Variants in UGT2B28 observed in about 807,000 individuals in gnomAD.
UGT2B28 encodes UDP glucuronosyltransferase family 2 member B28.
UGT2B28 carries 45 observed loss-of-function variants against 43.6 expected under a neutral mutation model. The ratio of observed to expected loss-of-function variants is 1.03; its 90% CI spans 0.81 to 1.32. UGT2B28 has a LOEUF of 1.32. Ranked by LOEUF, UGT2B28 falls within the 40% of genes most tolerant of loss-of-function variation. The pLI is 0.00. For synonymous variants in UGT2B28, 204 were observed against 208.1 expected (o/e 0.98, Z 0.17); for missense variants, 649 against 625.5 (o/e 1.04, Z -0.40).
rs1320330854 is a variant in UGT2B28, at chr4:69,293,852, T to G, written c.1311-678T>G. On this transcript the variant is annotated intron_variant, in intron 5 of 5. Coordinates refer to ENST00000335568, the MANE Select transcript of UGT2B28 (RefSeq NM_053039.2). Reference sequence around the variant, plus strand: ...CAGGCAAAAATCTTAATCAGAAGAGTGCCATAATCTGACTTTAATTTCAAA... The same window carrying G: ...CAGGCAAAAATCTTAATCAGAAGAGGGCCATAATCTGACTTTAATTTCAAA... Among the ~76,000 whole-genome samples, 3 of 140,118 alleles carry G rather than the reference T, an allele frequency of 2.1e-5. 1 individual carries two copies. Among genetic ancestry groups the G allele is most frequent in the Non-Finnish European group, 3.0e-5 (2 of 65,670 alleles). The allele number at this position is 140,118 out of a possible 152,430, so 91.9% of individuals were successfully genotyped here. A position where few individuals can be genotyped will look rare whatever the true frequency, so the allele number is the denominator to read the frequency against.
intron 2 of UGT2B28, among the ~76,000 whole-genome samples, chr4:69,283,300 C>G (rs1489593842): frequency 7.2e-6 from 1 of 139,406 alleles, no homozygotes; most frequent in East Asian, 2.0e-4. Context: ...GATTAAGAAT[C>G]TAGATCATAC....
At chr4:69,286,635 T>C (rs1723782901) in intron 2 of UGT2B28, 117 bp from the exon 3 acceptor site, 1 of 1,355,878 alleles carries the variant, frequency 7.4e-7, no homozygotes, top group Non-Finnish European at 9.8e-7. Context: ...AAAAATATTA[T>C]TTACTCCAAT....
At chr4:69,291,822 A>T (rs1376852974) in intron 5 of UGT2B28, among the ~76,000 whole-genome samples, 8 of 140,460 alleles carry the variant, frequency 5.7e-5, no homozygotes, top group African/African-American at 2.2e-4. Flanking sequence ...TGTTCCATTC[A>T]TCACTACCAT....
Position 69,280,994 on chromosome 4 carries a change from A to G in UGT2B28, c.494A>G (p.Asn165Ser). Residue 165 changes from asparagine to serine, a missense_variant, in exon 1 of 6, where the codon AAC becomes AGC. Physicochemically the swap from Asn to Ser is conservative, Grantham distance 46. Transcript: ENST00000335568. ...GGTGAGCTGCTGGCTGCGCTACTTA[A>G]CATACCGTTTGTGTACAGTCTCTGC... ...PCGELLAALL[N>S]IPFVYSLCFT... The G allele has an allele frequency of 1.9e-6, 3 of 1,560,212 alleles. No individual in the cohort carries two copies. The highest frequency in any genetic ancestry group is 2.6e-6 in the Non-Finnish European group (3 of 1,155,608).
intron 2 of UGT2B28, among the ~76,000 whole-genome samples, chr4:69,283,599 G>C (rs1723686317): frequency 7.1e-6 from 1 of 140,368 alleles, no homozygotes; most frequent in African/African-American, 2.8e-5. Flanking sequence ...ACTTCATATT[G>C]TGTTGTGTGG....
intron 2 of UGT2B28, among the ~76,000 whole-genome samples, chr4:69,285,609 A>C (rs1269805112): frequency 7.1e-6 from 1 of 141,306 alleles, no homozygotes; most frequent in East Asian, 2.0e-4. Flanking sequence ...TATTTTAAAA[A>C]ACGCTCTGCC....
At position 69,286,008 on chromosome 4, in the gene UGT2B28, A is replaced by C. The variant is rs867609625; in HGVS notation, c.871-744A>C. On this transcript the variant is annotated intron_variant, in intron 2 of 5. Transcript: ENST00000335568. ...TGCTCCACCTAAACAATAACCTGAA[A>C]GGTACAATTATTCAACAACTAACTA... Among the ~76,000 whole-genome samples, 30 of 141,412 alleles carry C rather than the reference A, an allele frequency of 2.1e-4. 3 individuals are homozygous for C. The highest frequency in any genetic ancestry group is 8.0e-4 in the African/African-American group (29 of 36,270). The allele number at this position is 141,412 out of a possible 152,430, so 92.8% of individuals were successfully genotyped here.
rs2109688248 is a variant in UGT2B28 at position 69,286,093 on chromosome 4, A to T, written c.871-659A>T. Among the ~76,000 whole-genome samples, 2 of 141,512 alleles carry T rather than the reference A, an allele frequency of 1.4e-5. 1 individual carries two copies. The highest frequency in any genetic ancestry group is 5.5e-5 in the African/African-American group (2 of 36,354). 92.8% of individuals were successfully genotyped at this position (141,512 alleles called of 152,430 possible). On this transcript the variant is annotated intron_variant, in intron 2 of 5. Transcript: ENST00000335568. ...TCAAGACTGAGTCATAAAAATTCCA[A>T]ATCACAATACTAGACTCAGGAATGT...
chr4:69,290,512 C>T, intron 4 of UGT2B28, 80 bp from the exon 5 acceptor site: 1 of 1,491,552 alleles, frequency 6.7e-7, no homozygotes, highest in Non-Finnish European at 9.1e-7. Context: ...ATCTAGAAAA[C>T]ACTGTCACTT....
intron 2 of UGT2B28, among the ~76,000 whole-genome samples, chr4:69,283,357 A>C (rs1011096208): frequency 7.1e-6 from 1 of 140,230 alleles, no homozygotes; most frequent in Non-Finnish European, 1.5e-5. Context: ...GGAAATATTT[A>C]TTAAGAACAT....
intron 2 of UGT2B28, among the ~76,000 whole-genome samples, chr4:69,283,635 C>T (rs1723687204): frequency 7.1e-6 from 1 of 140,476 alleles, no homozygotes; most frequent in Non-Finnish European, 1.5e-5. Flanking sequence ...AGACAAAACA[C>T]TTAAAATGTC....
At chr4:69,283,713 C>T (rs1400343384) in intron 2 of UGT2B28, among the ~76,000 whole-genome samples, 1 of 140,344 alleles carries the variant, frequency 7.1e-6, no homozygotes, top group Admixed American at 7.1e-5. Context: ...GTTATTATTA[C>T]CAATACTACT....
chr4:69,289,631 C>G lies in UGT2B28; in HGVS notation c.1003-34C>G, dbSNP rs375854533. 2.7e-6 allele frequency: 4 copies of G among 1,505,730 alleles called. 1 individual carries two copies. The African/African-American group carries it at 4.7e-5, about 18-fold the overall frequency. 93.3% of individuals were successfully genotyped at this position (1,505,730 alleles called of 1,614,324 possible). On this transcript the variant is annotated intron_variant, in intron 3 of 5. Coordinates refer to ENST00000335568, the MANE Select transcript of UGT2B28 (RefSeq NM_053039.2). The stretch of plus-strand genomic sequence containing the variant: ...AACATTCTATAATTTTTGAGTTCCA[C>G]TCATGGAATAAGATATTCTCTTTAC...
At chr4:69,294,231 C>CA (rs1311616877) in intron 5 of UGT2B28, among the ~76,000 whole-genome samples, 1 of 133,940 alleles carries the variant, frequency 7.5e-6, no homozygotes, top group Non-Finnish European at 1.6e-5. Context: ...TATGGACCCA[C>CA]AAAAACTTAA....
chr4:69,290,418 G>A (rs1396846528), intron 4 of UGT2B28, among the ~76,000 whole-genome samples, 174 bp from the exon 5 acceptor site: 1 of 139,876 alleles, frequency 7.1e-6, no homozygotes, highest in East Asian at 2.0e-4. Flanking sequence ...TGCACACCAC[G>A]GAGACTTCAA....
rs552489111 is a variant in UGT2B28 at position 69,295,034 on chromosome 4, A to G, written c.*225A>G. Reference sequence around the variant, plus strand: ...ATGAAGAAAACACTAGGGAAAATAAAAAATAATATAAAGCCATATGAGCTC... The same window carrying G: ...ATGAAGAAAACACTAGGGAAAATAAGAAATAATATAAAGCCATATGAGCTC... On this transcript the variant is annotated 3_prime_UTR_variant, in exon 6 of 6. Coordinates refer to ENST00000335568, the MANE Select transcript of UGT2B28 (RefSeq NM_053039.2). The G allele has an allele frequency of 6.7e-4, 295 of 441,312 alleles. 29 individuals are homozygous for G. The South Asian group carries it at 0.015, about 23-fold the overall frequency. 27.3% of individuals were successfully genotyped at this position (441,312 alleles called of 1,614,324 possible). A position where few individuals can be genotyped will look rare whatever the true frequency, so the allele number is the denominator to read the frequency against.
rs540989351 is a variant in UGT2B28 at position 69,293,803 on chromosome 4, T to G, written c.1311-727T>G. 8.3e-4 allele frequency among the ~76,000 whole-genome samples: 116 copies of G among 140,396 alleles called. 25 individuals carry two copies. Among genetic ancestry groups the G allele is most frequent in the African/African-American group, 3.1e-3 (113 of 35,966 alleles). The allele number at this position is 140,396 out of a possible 152,430, so 92.1% of individuals were successfully genotyped here. A position where few individuals can be genotyped will look rare whatever the true frequency, so the allele number is the denominator to read the frequency against. Reference sequence around the variant, plus strand: ...TGTAGACCAAATAACAGAGTTGAATTTTATGATTAAAAGAATGAGAAGCCA... The same window carrying G: ...TGTAGACCAAATAACAGAGTTGAATGTTATGATTAAAAGAATGAGAAGCCA... On this transcript the variant is annotated intron_variant, in intron 5 of 5. Transcript: ENST00000335568.
rs112744799 is a variant in UGT2B28 at position 69,282,315 on chromosome 4, G to A, written c.722-199G>A. Among the ~76,000 whole-genome samples the A allele has an allele frequency of 1.5e-4, 21 of 138,280 alleles. 2 individuals carry two copies. Among genetic ancestry groups the A allele is most frequent in the Non-Finnish European group, 2.5e-4 (16 of 65,078 alleles). The allele number at this position is 138,280 out of a possible 152,430, so 90.7% of individuals were successfully genotyped here. ...AACTTCATAATTCTCCCACCACTTT[G>A]CCTTTCTTATAAATAAACATGGACA... On this transcript the variant is annotated intron_variant, in intron 1 of 5. Coordinates refer to ENST00000335568, the MANE Select transcript of UGT2B28 (RefSeq NM_053039.2).
rs765969673 is a variant in UGT2B28 at position 69,286,769 on chromosome 4, A to T, written c.888A>T (p.Val296=). The T allele has an allele frequency of 6.4e-7, 1 of 1,555,374 alleles. No individual in the cohort carries two copies. The highest frequency in any genetic ancestry group is 8.7e-7 in the Non-Finnish European group (1 of 1,154,176). The change falls in exon 3 of 6, where the codon GTA becomes GTT. Residue 296 remains valine, a synonymous_variant. Transcript: ENST00000335568. ...KPLPKEMEEF[V]QSSGENGVVV... is the part of the protein sequence containing the mutation. ...TTTCACAGGAAATGGAGGAATTTGT[A>T]CAGAGCTCTGGTGAAAATGGTGTTG...
Sources: allele counts gnomAD v4.1 joint callset (sites outside exome capture counted in the v4.1 genomes callset), GRCh38; gene constraint gnomAD v4.1.1; transcripts MANE v1.5; gene names NCBI Gene and HGNC (gene_info 2026-07-23, HGNC 2026-07-21).